GRIA1: variants seen among roughly 807,000 people sequenced by gnomAD.
GRIA1 encodes glutamate receptor 1.
A neutral mutation model predicts 99.2 loss-of-function variants in GRIA1; 31 were observed. The ratio of observed to expected loss-of-function variants is 0.31; its 90% CI spans 0.23 to 0.42. The LOEUF (loss-of-function observed/expected upper bound fraction) is 0.42, where lower values mean the gene tolerates loss of function less well. Among genes scored for constraint, GRIA1 ranks in the 10% least tolerant of loss-of-function variants. The probability of loss-of-function intolerance (pLI) is 1.00; values close to 1 mark genes in which losing one functional copy is unlikely to be tolerated. For synonymous variants in GRIA1, 438 were observed against 432.4 expected (o/e 1.01, Z -0.16); for missense variants, 782 against 1,157.5 (o/e 0.68, Z 4.71).
rs1446356314 is a variant in GRIA1, at chr5:153,749,369, GTA to G, written c.1824-15064_1824-15063del. Reference sequence around the variant, plus strand: ...GCTATAAAGGCTTACCCCTGGCTGGGTAATTTATAAAGAAAAGAAGTTTATTT... The same window carrying G: ...GCTATAAAGGCTTACCCCTGGCTGGGATTTATAAAGAAAAGAAGTTTATTT... On this transcript the variant is annotated intron_variant, in intron 11 of 15. Transcript: ENST00000285900. Among the ~76,000 whole-genome samples the G allele has an allele frequency of 2.0e-5, 3 of 152,112 alleles. No homozygotes were observed. In the East Asian group the frequency reaches 5.8e-4, roughly 29 times the overall value.
intron 12 of GRIA1, among the ~76,000 whole-genome samples, chr5:153,766,568 C>A (rs1274205659): frequency 6.6e-6 from 1 of 152,134 alleles, no homozygotes; most frequent in African/African-American, 2.4e-5. Flanking sequence ...TTGGGAAATT[C>A]TTTTGATGCA....
At chr5:153,542,511 A>G (rs563972212) in intron 2 of GRIA1, among the ~76,000 whole-genome samples, 3 of 152,342 alleles carry the variant, frequency 2.0e-5, no homozygotes, top group African/African-American at 7.2e-5. Flanking sequence ...TTGGCAAAGC[A>G]TTCTTTATTT....
chr5:153,801,810 A>G (rs1766044856), intron 14 of GRIA1, among the ~76,000 whole-genome samples: 2 of 152,164 alleles, frequency 1.3e-5, no homozygotes, highest in Admixed American at 1.3e-4. Flanking sequence ...TTTATTATAT[A>G]TACAATAACT....
chr5:153,617,724 A>G (rs1210222153), intron 2 of GRIA1, among the ~76,000 whole-genome samples: 1 of 152,174 alleles, frequency 6.6e-6, no homozygotes, highest in Non-Finnish European at 1.5e-5. Flanking sequence ...CTAATCTCAT[A>G]TTTATTATGA....
chr5:153,506,284 C>T (rs549350378), intron 2 of GRIA1, among the ~76,000 whole-genome samples: 1 of 149,682 alleles, frequency 6.7e-6, no homozygotes, highest in East Asian at 2.0e-4. Flanking sequence ...CCAGAATACT[C>T]AAGAGTTGTT....
At chr5:153,549,196 A>T (rs1398713199) in intron 2 of GRIA1, among the ~76,000 whole-genome samples, 2 of 152,208 alleles carry the variant, frequency 1.3e-5, no homozygotes, top group Non-Finnish European at 2.9e-5. Context: ...TTGAGATGGT[A>T]CACATTAATG....
chr5:153,670,869 TTAGTC>T (rs1403278855), intron 5 of GRIA1, among the ~76,000 whole-genome samples: 1 of 152,154 alleles, frequency 6.6e-6, no homozygotes, highest in African/African-American at 2.4e-5. Context: ...ATGGAGAAAT[TTAGTC>T]TAGTAACTAT....
Position 153,711,507 on chromosome 5 carries a change from C to T in GRIA1, c.1823+5440C>T, listed in dbSNP as rs963998330. Among the ~76,000 whole-genome samples the T allele has an allele frequency of 2.0e-5, 3 of 152,068 alleles. No individual in the cohort carries two copies. The East Asian group carries it at 5.8e-4, about 29-fold the overall frequency. On this transcript the variant is annotated intron_variant, in intron 11 of 15. Transcript: ENST00000285900. ...ATTTGGAAAACAGGGAACCACAGTT[C>T]CAGGGACTATTAGCTCTGGGCAGGA...
chr5:153,492,382 C>T (rs1754006752), intron 1 of GRIA1: 1 of 1,359,976 alleles, frequency 7.4e-7, no homozygotes. Context: ...CCTTGTAGCC[C>T]AGCCCGTAGC....
intron 2 of GRIA1, among the ~76,000 whole-genome samples, chr5:153,496,043 G>T (rs958030314): frequency 4.6e-5 from 7 of 152,210 alleles, no homozygotes; most frequent in Non-Finnish European, 7.3e-5. Flanking sequence ...GCAGGTTTTG[G>T]TTGAAAGAGA....
At chr5:153,552,978 T>C (rs1760287382) in intron 2 of GRIA1, among the ~76,000 whole-genome samples, 1 of 152,192 alleles carries the variant, frequency 6.6e-6, no homozygotes, top group Non-Finnish European at 1.5e-5. Context: ...TTGCCCTGGC[T>C]GGTTTCAAAC....
chr5:153,687,478 G>T (rs867373695), intron 8 of GRIA1, among the ~76,000 whole-genome samples: 1 of 152,188 alleles, frequency 6.6e-6, no homozygotes. Context: ...CCCATTGAAA[G>T]TTGGGTCTTA....
chr5:153,697,302 A>T (rs1405336862), intron 8 of GRIA1, among the ~76,000 whole-genome samples: 1 of 152,206 alleles, frequency 6.6e-6, no homozygotes, highest in Admixed American at 6.5e-5. Flanking sequence ...CCTATCTCTC[A>T]GACTTCTTTG....
At chr5:153,513,226 G>A (rs891839730) in intron 2 of GRIA1, among the ~76,000 whole-genome samples, 2 of 152,080 alleles carry the variant, frequency 1.3e-5, no homozygotes, top group South Asian at 4.2e-4. Flanking sequence ...TAAGCAGAAG[G>A]GCAGAAAGGA....
chr5:153,510,643 G>A (rs1274688536), intron 2 of GRIA1, among the ~76,000 whole-genome samples: 1 of 152,156 alleles, frequency 6.6e-6, no homozygotes, highest in Non-Finnish European at 1.5e-5. Flanking sequence ...AGAAGGCTTT[G>A]AAGGTCAGGA....
intron 7 of GRIA1, among the ~76,000 whole-genome samples, chr5:153,683,488 T>A (rs1319106366): frequency 6.6e-6 from 1 of 152,214 alleles, no homozygotes; most frequent in Non-Finnish European, 1.5e-5. Context: ...CTGCTCTGGC[T>A]ACTCACTGGG....
chr5:153,782,977 G>C (rs1466137859), intron 13 of GRIA1, among the ~76,000 whole-genome samples: 1 of 152,200 alleles, frequency 6.6e-6, no homozygotes, highest in Non-Finnish European at 1.5e-5. Flanking sequence ...GCTGGAGGTG[G>C]TAGTGGAAAG....
In GRIA1 at chr5:153,647,038, C is replaced by G. The variant is rs1754204031; in HGVS notation, c.331C>G (p.Pro111Ala). ...GGCCCTCCACGTCTGCTTCATTACG[C>G]CGAGCTTTCCCGTTGATACATCCAA... ...CGALHVCFIT[P>A]SFPVDTSNQF... is the part of the protein sequence containing the mutation. Residue 111 changes from proline (P) to alanine (A), a missense_variant, in exon 3 of 16, where the codon CCG (proline) becomes GCG (alanine). By Grantham distance (27) the Pro-to-Ala change is conservative. Coordinates refer to ENST00000285900, the MANE Select transcript of GRIA1 (RefSeq NM_000827.4). 6.2e-7 allele frequency: 1 copy of G among 1,613,870 alleles called. No homozygotes were observed. The highest frequency in any genetic ancestry group is 8.5e-7 in the Non-Finnish European group (1 of 1,179,928).
In GRIA1 at chr5:153,674,665, A is replaced by T; in HGVS notation, c.861+4A>T. ...GGTGGACTGGAAGAGACCCAAGGTG[A>T]GTGGATGGGCAGCCAGCAGCAAAGG... On this transcript the variant is annotated splice_donor_region_variant and intron_variant, in intron 6 of 15. Transcript: ENST00000285900. 1.2e-6 allele frequency: 2 copies of T among 1,613,306 alleles called. No individual in the cohort carries two copies. The highest frequency in any genetic ancestry group is 1.7e-6 in the Non-Finnish European group (2 of 1,179,480).
Sources: allele counts gnomAD v4.1 joint callset (sites outside exome capture counted in the v4.1 genomes callset), GRCh38; gene constraint gnomAD v4.1.1; transcripts MANE v1.5; gene names NCBI Gene and HGNC (gene_info 2026-07-23, HGNC 2026-07-21).